Variants in KMT2C observed in about 807,000 individuals in gnomAD.
KMT2C encodes the protein lysine methyltransferase 2C, also known as histone-lysine N-methyltransferase 2C.
A neutral mutation model predicts 507.9 loss-of-function variants in KMT2C; 88 were observed. The observed-to-expected ratio is 0.17, with a 90% CI of 0.15 to 0.21. KMT2C has a LOEUF of 0.21. Among genes scored for constraint, KMT2C ranks in the 10% least tolerant of loss-of-function variants. KMT2C has a pLI of 1.00. For synonymous variants in KMT2C, 2,049 were observed against 2,080.8 expected, an observed-to-expected ratio of 0.98 and a Z score of 0.42; for missense variants, 4,954 against 5,957.8, an observed-to-expected ratio of 0.83 and a Z score of 5.55.
rs749874592 is a variant in KMT2C, at chr7:152,229,925, T to G, written c.2974A>C (p.Lys992Gln). Residue 992 changes from lysine (K) to glutamine (Q), a missense_variant and splice_region_variant, in exon 18 of 59, where the codon AAG (lysine) becomes CAG (glutamine). By Grantham distance (53) the Lys-to-Gln change is moderately conservative (BLOSUM62 1). Transcript: ENST00000262189. ...TAACTCAATTTAAGGATGTTTACCT[T>G]AATACTGACACAGTATGGATGGTAA... ...QCYHPYCVSIKITKVVLSKGW... is the reference protein window; with the variant it reads ...QCYHPYCVSIQITKVVLSKGW... The G allele has an allele frequency of 6.2e-7, 1 of 1,603,834 alleles. No homozygotes were observed. Among genetic ancestry groups the G allele is most frequent in the East Asian group, 2.2e-5 (1 of 44,744 alleles).
intron 3 of KMT2C, 21 bp from the exon 4 acceptor site, chr7:152,315,359 G>A (rs370539736): frequency 1.1e-5 from 17 of 1,583,112 alleles, no homozygotes; most frequent in Non-Finnish European, 1.2e-5. Context: ...TGAAATGTAA[G>A]TCAGAGAAGG....
Position 152,163,664 on chromosome 7 carries a change from G to A in KMT2C, c.9913C>T (p.Pro3305Ser), listed in dbSNP as rs1216983252. Residue 3305 changes from proline (P) to serine (S), a missense_variant, in exon 43 of 59, where the codon CCC (proline) becomes TCC (serine). By Grantham distance (74) the Pro-to-Ser change is moderately conservative (BLOSUM62 -1). Transcript: ENST00000262189. ...TPPTMSQPTF[P>S]MVPQQLQHQQ... ...TGCTGAAGCTGCTGTGGCACCATGGGAAAGGTGGGTTGGCTCATGGTGGGT... is the reference window on the plus strand; with the variant it reads ...TGCTGAAGCTGCTGTGGCACCATGGAAAAGGTGGGTTGGCTCATGGTGGGT... 6.2e-7 allele frequency: 1 copy of A among 1,613,630 alleles called. No homozygotes were observed. Among genetic ancestry groups the A allele is most frequent in the Non-Finnish European group, 8.5e-7 (1 of 1,179,798 alleles).
At chr7:152,281,287 G>A (rs1306626496) in intron 6 of KMT2C, among the ~76,000 whole-genome samples, 1 of 151,892 alleles carries the variant, frequency 6.6e-6, no homozygotes, top group Non-Finnish European at 1.5e-5. Context: ...TTATAAAAAT[G>A]AGTATAATTT....
chr7:152,156,924 C>A (rs1428865102), intron 44 of KMT2C, among the ~76,000 whole-genome samples: 2 of 152,112 alleles, frequency 1.3e-5, no homozygotes, highest in African/African-American at 4.8e-5. Flanking sequence ...TAACAGTTAT[C>A]ACCAATTTGT....
chr7:152,351,063 T>A (rs2097106867), intron 2 of KMT2C, among the ~76,000 whole-genome samples: 1 of 152,192 alleles, frequency 6.6e-6, no homozygotes, highest in Admixed American at 6.5e-5. Flanking sequence ...TGGAAGGTCT[T>A]CAGCGACAAT....
chr7:152,311,224 C>T (rs1271360665), intron 5 of KMT2C, among the ~76,000 whole-genome samples: 4 of 152,040 alleles, frequency 2.6e-5, no homozygotes, highest in Admixed American at 1.3e-4. Flanking sequence ...TACACATACA[C>T]CTCTACTTCC....
intron 1 of KMT2C, among the ~76,000 whole-genome samples, chr7:152,431,358 G>A (rs1422174041): frequency 6.6e-6 from 1 of 151,932 alleles, no homozygotes; most frequent in African/African-American, 2.4e-5. Flanking sequence ...CAGCACTTTG[G>A]GAGGCCCAGG....
At chr7:152,141,712 C>CAAAAAAAAAAAAAAA (rs1249621681) in intron 55 of KMT2C, among the ~76,000 whole-genome samples, 18 of 61,872 alleles carry the variant, frequency 2.9e-4, no homozygotes, top group African/African-American at 1.0e-3. Context: ...GACTCTGTCT[C>CAAAAAAAAAAAAAAA]AAAAAAAAAA....
chr7:152,262,747 T>C (rs1184382729), intron 9 of KMT2C, among the ~76,000 whole-genome samples: 4 of 152,160 alleles, frequency 2.6e-5, no homozygotes, highest in Non-Finnish European at 5.9e-5. Context: ...TGAATACTAA[T>C]CTATAGTGAA....
intron 2 of KMT2C, among the ~76,000 whole-genome samples, chr7:152,356,577 C>CG (rs1554672886): frequency 6.8e-6 from 1 of 146,560 alleles, no homozygotes; most frequent in African/African-American, 2.5e-5. Context: ...AACTCTGTCT[C>CG]AAAAAAACAA....
chr7:152,378,347 C>T (rs903313014), intron 1 of KMT2C, among the ~76,000 whole-genome samples: 2 of 152,242 alleles, frequency 1.3e-5, no homozygotes, highest in African/African-American at 2.4e-5. Flanking sequence ...CAACCTTCAG[C>T]AATCACTGCT....
intron 26 of KMT2C, among the ~76,000 whole-genome samples, chr7:152,199,996 C>T (rs1002808574): frequency 2.0e-5 from 3 of 152,122 alleles, no homozygotes; most frequent in African/African-American, 4.8e-5. Flanking sequence ...TAACATTTTT[C>T]CATTTCAATA....
At chr7:152,397,463 T>C (rs573141757) in intron 1 of KMT2C, among the ~76,000 whole-genome samples, 1 of 152,288 alleles carries the variant, frequency 6.6e-6, no homozygotes, top group South Asian at 2.1e-4. Flanking sequence ...AAGGATAAAA[T>C]CCCAGCTTCT....
chr7:152,328,150 C>G (rs918712500), intron 3 of KMT2C, among the ~76,000 whole-genome samples: 7 of 152,034 alleles, frequency 4.6e-5, no homozygotes, highest in African/African-American at 1.7e-4. Flanking sequence ...AAGCAGGTTA[C>G]TATGTAAAAT....
In KMT2C at chr7:152,139,808, A is replaced by C. The variant is rs1168049194; in HGVS notation, c.14344-17T>G. 6.5e-7 allele frequency: 1 copy of C among 1,547,314 alleles called. No individual in the cohort carries two copies. The highest frequency in any genetic ancestry group is 8.9e-7 in the Non-Finnish European group (1 of 1,121,764). ...GCCCAGCCCCTAAAAAAAAGTGTGTACATACTTCCAATTTATGTGACAACA... is the reference window on the plus strand; with the variant it reads ...GCCCAGCCCCTAAAAAAAAGTGTGTCCATACTTCCAATTTATGTGACAACA... On this transcript the variant is annotated splice_polypyrimidine_tract_variant and intron_variant, in intron 55 of 58. Coordinates refer to ENST00000262189, the MANE Select transcript of KMT2C (RefSeq NM_170606.3).
chr7:152,257,884 C>CAA (rs879643466), intron 9 of KMT2C, among the ~76,000 whole-genome samples: 6 of 146,740 alleles, frequency 4.1e-5, no homozygotes, highest in African/African-American at 1.0e-4. Flanking sequence ...CACACACACA[C>CAA]AAAAAAAACA....
At chr7:152,426,081 T>G (rs1027278595) in intron 1 of KMT2C, among the ~76,000 whole-genome samples, 4 of 152,090 alleles carry the variant, frequency 2.6e-5, no homozygotes, top group African/African-American at 9.7e-5. Flanking sequence ...CGTGTATTGC[T>G]CATAATGAAA....
At chr7:152,169,381 GT>G (rs1324710934) in intron 40 of KMT2C, 132 bp from the exon 41 acceptor site, 2 of 622,358 alleles carry the variant, frequency 3.2e-6, no homozygotes, top group Non-Finnish European at 2.8e-6. Context: ...TCTTTTAAAG[GT>G]TTTTTTATAA....
intron 2 of KMT2C, among the ~76,000 whole-genome samples, chr7:152,338,492 A>G (rs1309958869): frequency 2.0e-5 from 3 of 152,224 alleles, no homozygotes; most frequent in Non-Finnish European, 4.4e-5. Flanking sequence ...GAGGTGGGGA[A>G]TACAGCTCAG....
Sources: gnomAD v4.1 joint callset for allele counts (sites outside exome capture counted in the v4.1 genomes callset) on GRCh38, gnomAD v4.1.1 for gene constraint, MANE v1.5 for transcripts, NCBI Gene and HGNC (gene_info 2026-07-23, HGNC 2026-07-21) for gene names.